Variants in NDST4 observed in about 807,000 individuals in gnomAD.
NDST4 encodes N-deacetylase and N-sulfotransferase 4.
A neutral mutation model predicts 100.8 loss-of-function variants in NDST4; 63 were observed. That is an observed-to-expected ratio of 0.62 (90% CI 0.51 to 0.77). The LOEUF (loss-of-function observed/expected upper bound fraction) is 0.77, where lower values mean the gene tolerates loss of function less well. Among genes scored for constraint, NDST4 ranks in the 30% least tolerant of loss-of-function variants. NDST4 has a pLI of 0.00. For synonymous variants in NDST4, 377 were observed against 361.8 expected (o/e 1.04, Z -0.48); for missense variants, 943 against 1,018.4 (o/e 0.93, Z 1.01).
intron 2 of NDST4, among the ~76,000 whole-genome samples, chr4:114,993,453 G>T (rs1727093506): frequency 6.6e-6 from 1 of 151,904 alleles, no homozygotes; most frequent in African/African-American, 2.4e-5. Flanking sequence ...ACCAAGTGGA[G>T]AAATCAGAAA....
At chr4:115,022,828 G>A (rs1334343090) in intron 2 of NDST4, among the ~76,000 whole-genome samples, 1 of 152,080 alleles carries the variant, frequency 6.6e-6, no homozygotes. Flanking sequence ...CCCTGCACAA[G>A]CTCTCTTTGC....
chr4:115,034,870 G>A (rs543886282), intron 2 of NDST4, among the ~76,000 whole-genome samples: 81 of 152,116 alleles, frequency 5.3e-4, no homozygotes, highest in African/African-American at 1.9e-3. Flanking sequence ...CGTCAGCCTC[G>A]TCTAAACTTT....
At chr4:114,872,866 T>C (rs1304378906) in intron 6 of NDST4, among the ~76,000 whole-genome samples, 2 of 151,924 alleles carry the variant, frequency 1.3e-5, no homozygotes, top group African/African-American at 2.4e-5. Context: ...ATAATATAAC[T>C]GAAACCTTCG....
At chr4:114,895,906 T>C (rs559417364) in intron 6 of NDST4, among the ~76,000 whole-genome samples, 1 of 152,254 alleles carries the variant, frequency 6.6e-6, no homozygotes, top group Non-Finnish European at 1.5e-5. Flanking sequence ...TCAATAAATG[T>C]AACCCATCAC....
chr4:115,019,296 C>T (rs10001879), intron 2 of NDST4, among the ~76,000 whole-genome samples: 13,002 of 152,048 alleles, frequency 0.086, 1,838 homozygotes, highest in African/African-American at 0.29. Context: ...TCCATAAAGA[C>T]ACAAGTTCCT....
chr4:115,106,628 T>A (rs1370280081), intron 1 of NDST4, among the ~76,000 whole-genome samples: 1 of 152,112 alleles, frequency 6.6e-6, no homozygotes. Context: ...CAGGAAAAAA[T>A]GCCTGCACAT....
intron 2 of NDST4, among the ~76,000 whole-genome samples, chr4:115,053,457 T>C (rs1303592021): frequency 6.6e-6 from 1 of 152,078 alleles, no homozygotes; most frequent in African/African-American, 2.4e-5. Flanking sequence ...ATAAAGTATA[T>C]ACTCCTGCAT....
At chr4:114,828,866 G>A (rs1176682783) in intron 13 of NDST4, among the ~76,000 whole-genome samples, 1 of 152,160 alleles carries the variant, frequency 6.6e-6, no homozygotes, top group East Asian at 1.9e-4. Flanking sequence ...CAACTTTTGT[G>A]TATACTGTGG....
At chr4:115,052,214 A>G (rs1033625078) in intron 2 of NDST4, among the ~76,000 whole-genome samples, 3 of 152,158 alleles carry the variant, frequency 2.0e-5, no homozygotes, top group Non-Finnish European at 4.4e-5. Context: ...CTTTTCTTTC[A>G]TCGGAATTTC....
chr4:114,916,534 CTCTGTG>C (rs1222871159), intron 6 of NDST4, among the ~76,000 whole-genome samples: 128 of 123,476 alleles, frequency 1.0e-3, no homozygotes, highest in African/African-American at 4.0e-3. Context: ...TCCTGGTAGG[CTCTGTG>C]TGTGTGTGTG....
Position 114,998,708 on chromosome 4 carries a change from C to T in NDST4, c.979-21434G>A, listed in dbSNP as rs114301826. ...AGAGAGTTTCCTTTTTTAATATGCC[C>T]CTAAACTTTATCAATAGAGTATTTG... On this transcript the variant is annotated intron_variant, in intron 2 of 13. Transcript: ENST00000264363. Among the ~76,000 whole-genome samples the T allele has an allele frequency of 9.3e-3, 1,407 of 152,040 alleles. 19 individuals are homozygous for T. The highest frequency in any genetic ancestry group is 0.03 in the African/African-American group (1,250 of 41,490).
chr4:115,018,398 A>G (rs1410613760), intron 2 of NDST4, among the ~76,000 whole-genome samples: 1 of 151,878 alleles, frequency 6.6e-6, no homozygotes, highest in Non-Finnish European at 1.5e-5. Flanking sequence ...CATAAACAAT[A>G]TGGAGCTGAT....
At chr4:115,064,221 G>A (rs1728883899) in intron 2 of NDST4, among the ~76,000 whole-genome samples, 1 of 151,954 alleles carries the variant, frequency 6.6e-6, no homozygotes, top group Admixed American at 6.6e-5. Flanking sequence ...AAACAAATAT[G>A]AATGAAAGCA....
At chr4:114,937,892 G>A (rs891740666) in intron 4 of NDST4, among the ~76,000 whole-genome samples, 2 of 149,446 alleles carry the variant, frequency 1.3e-5, no homozygotes, top group East Asian at 2.0e-4. Flanking sequence ...TGTGTGTGGC[G>A]GGGGGCGGGT....
intron 2 of NDST4, among the ~76,000 whole-genome samples, chr4:115,071,038 G>A (rs1729066331): frequency 6.6e-6 from 1 of 151,994 alleles, no homozygotes; most frequent in Non-Finnish European, 1.5e-5. Context: ...CCAGGAGGTG[G>A]AGGTTGTAAT....
intron 6 of NDST4, among the ~76,000 whole-genome samples, chr4:114,874,886 C>A (rs1326936530): frequency 6.6e-6 from 1 of 151,856 alleles, no homozygotes; most frequent in African/African-American, 2.4e-5. Context: ...TTTCTTATTG[C>A]ATACTAAAAA....
chr4:114,845,847 T>C lies in NDST4; in HGVS notation c.2091A>G (p.Ser697=). 6.2e-7 allele frequency: 1 copy of C among 1,614,046 alleles called. No homozygotes were observed. The highest frequency in any genetic ancestry group is 1.3e-5 in the African/African-American group (1 of 75,046). Residue 697 remains serine (S), a synonymous_variant, in exon 10 of 14, where the codon TCA becomes TCG. Transcript: ENST00000264363. ...CCTGGTACCAAGAGTATGCCCTGTCTGAGGGGTCAATGAGGATGGTGATGA... is the reference window on the plus strand; with the variant it reads ...CCTGGTACCAAGAGTATGCCCTGTCCGAGGGGTCAATGAGGATGGTGATGA... The part of the protein sequence containing the change: ...AKIITILIDP[S]DRAYSWYQHQ...
intron 2 of NDST4, among the ~76,000 whole-genome samples, chr4:115,013,370 T>TATATATATATATATATATATATAC (rs74678897): frequency 0.011 from 768 of 71,114 alleles, 33 homozygotes; most frequent in Non-Finnish European, 0.017. Flanking sequence ...TATATATATA[T>TATATATATATATATATATATATAC]ACACACACAT....
intron 8 of NDST4, among the ~76,000 whole-genome samples, chr4:114,848,745 G>A (rs951697187): frequency 3.3e-5 from 5 of 152,184 alleles, no homozygotes; most frequent in African/African-American, 1.2e-4. Flanking sequence ...TTGAAATTCA[G>A]ATGAATGAAA....
Sources: gnomAD v4.1 joint callset for allele counts (sites outside exome capture counted in the v4.1 genomes callset) on GRCh38, gnomAD v4.1.1 for gene constraint, MANE v1.5 for transcripts, NCBI Gene and HGNC (gene_info 2026-07-23, HGNC 2026-07-21) for gene names.